MYH7B: variants seen among roughly 807,000 people sequenced by gnomAD.
MYH7B encodes the protein myosin heavy chain 7B.
A neutral mutation model predicts 234.5 loss-of-function variants in MYH7B; 205 were observed. The ratio of observed to expected loss-of-function variants is 0.87; its 90% CI spans 0.78 to 0.98. MYH7B has a LOEUF of 0.98. Ranked by LOEUF, MYH7B falls within the 50% of genes least tolerant of loss-of-function variation. The pLI is 0.00. For synonymous variants in MYH7B, 1,193 were observed against 1,105.0 expected, an observed-to-expected ratio of 1.08 and a Z score of -1.58; for missense variants, 2,652 against 2,633.4, an observed-to-expected ratio of 1.01 and a Z score of -0.15.
In MYH7B at chr20:34,999,600, A is replaced by T. The variant is rs775355117; in HGVS notation, c.4570A>T (p.Ser1524Cys). The change falls in exon 37 of 45, where the codon AGT becomes TGT. Residue 1524 changes from serine (S) to cysteine (C), a missense_variant. Coordinates refer to ENST00000262873, the Ensembl canonical transcript of MYH7B. Reference sequence around the variant, plus strand: ...GATCAGCGACCTCACAGACCAGGTGAGTCTCAGTGGGAAGAGCATCCAGGA... The same window carrying T: ...GATCAGCGACCTCACAGACCAGGTGTGTCTCAGTGGGAAGAGCATCCAGGA... 3 of 1,612,932 alleles carry T rather than the reference A, an allele frequency of 1.9e-6. No individual in the cohort carries two copies. Among genetic ancestry groups the T allele is most frequent in the Non-Finnish European group, 1.7e-6 (2 of 1,179,432 alleles).
At chr20:34,970,054 G>A (rs1470324630) in intron 2 of MYH7B, among the ~76,000 whole-genome samples, 6 of 152,172 alleles carry the variant, frequency 3.9e-5, no homozygotes, top group Non-Finnish European at 5.9e-5. Flanking sequence ...CCTGGTAACT[G>A]GCAGAGCCAG....
Position 35,000,290 on chromosome 20 carries a change from T to C in MYH7B, c.4782-3T>C, listed in dbSNP as rs374046960. On this transcript the variant is annotated splice_polypyrimidine_tract_variant and splice_region_variant and intron_variant, in intron 38 of 44. Coordinates refer to ENST00000262873, the Ensembl canonical transcript of MYH7B. ...CCCCTTTCATGCCACCCTCCTCCCA[T>C]AGGCGCAACCACCAGCGAGCTGTGG... 66 of 1,567,254 alleles carry C rather than the reference T, an allele frequency of 4.2e-5. No homozygotes were observed. The highest frequency in any genetic ancestry group is 1.6e-4 in the African/African-American group (12 of 74,182).
chr20:35,002,114 G>C (rs2082402165), intron 44 of MYH7B, 29 bp downstream of exon 44: 1 of 1,611,406 alleles, frequency 6.2e-7, no homozygotes, highest in South Asian at 1.1e-5. Flanking sequence ...ATTGCTCTCT[G>C]TGCAGGGGGA....
intron 31 of MYH7B, 23 bp downstream of exon 31, chr20:34,997,196 A>G: frequency 6.4e-7 from 1 of 1,551,192 alleles, no homozygotes; most frequent in Non-Finnish European, 8.7e-7. Flanking sequence ...CGGGTGGGTG[A>G]GGCCTGGGGT....
rs765494204 is a variant in MYH7B at position 34,987,295 on chromosome 20, G to A, written c.1147+8G>A. The A allele has an allele frequency of 3.7e-6, 6 of 1,609,318 alleles. No individual in the cohort carries two copies. In the Admixed American group the frequency reaches 6.7e-5, roughly 18 times the overall value. On this transcript the variant is annotated splice_region_variant and intron_variant, in intron 16 of 44. Coordinates refer to ENST00000262873, the Ensembl canonical transcript of MYH7B. ...AGGCCGATGGCACTGAGAGTGAGGG[G>A]CCCTAACCTGGCCTTCAACTTGACC...
At chr20:34,993,580 G>A (rs2082197960) in intron 26 of MYH7B, 110 bp downstream of exon 26, 2 of 1,272,420 alleles carry the variant, frequency 1.6e-6, no homozygotes, top group Non-Finnish European at 1.1e-6. Flanking sequence ...ATCAGCCCCT[G>A]TGGCTGGTTG....
In MYH7B at chr20:34,979,946, T is replaced by C. The variant is rs112361356; in HGVS notation, c.342+142T>C. ...GGCTGTGAATGATAGAGCGGGTCCA[T>C]AGCGGGGGTGGGGCTGTGAGCGATG... On this transcript the variant is annotated intron_variant, in intron 7 of 44. Coordinates refer to ENST00000262873, the Ensembl canonical transcript of MYH7B. 14 of 781,924 alleles carry C rather than the reference T, an allele frequency of 1.8e-5. 1 individual carries two copies. Among genetic ancestry groups the C allele is most frequent in the African/African-American group, 4.2e-5 (2 of 47,324 alleles). The allele number at this position is 781,924 out of a possible 1,614,324, so 48.4% of individuals were successfully genotyped here.
chr20:34,988,066 C>G, intron 18 of MYH7B, 26 bp from the exon 19 acceptor site: 1 of 1,600,864 alleles, frequency 6.2e-7, no homozygotes, highest in South Asian at 1.1e-5. Context: ...GAGAGGTCTG[C>G]TGAGCCAGGC....
chr20:34,989,599 G>T, intron 19 of MYH7B, 141 bp from the exon 20 acceptor site: 1 of 800,588 alleles, frequency 1.2e-6, no homozygotes, highest in Non-Finnish European at 1.9e-6. Flanking sequence ...AGTGGGTGTG[G>T]TGTCTGACCA....
At position 35,001,410 on chromosome 20, in the gene MYH7B, GAGTC is replaced by G. The variant is rs761587519; in HGVS notation, c.5581-20_5581-17del. The G allele has an allele frequency of 3.8e-6, 6 of 1,594,646 alleles. No individual in the cohort carries two copies. Among genetic ancestry groups the G allele is most frequent in the Non-Finnish European group, 5.1e-6 (6 of 1,170,934 alleles). On this transcript the variant is annotated splice_polypyrimidine_tract_variant and intron_variant, in intron 42 of 44. Transcript: ENST00000262873. ...AGCTGGCCCAGCCCAAGCAAGCCCT[GAGTC>G]CCCCTTGCCCGCCCAGGCCGAGGAG...
exon 41 of MYH7B, chr20:35,001,120 C>A: frequency 6.2e-7 from 1 of 1,613,804 alleles, no homozygotes; most frequent in Non-Finnish European, 8.5e-7. Flanking sequence ...GGCCGCCCTC[C>A]GTGGCGGGAA....
chr20:34,999,160 C>T, exon 36 of MYH7B: 7 of 1,613,738 alleles, frequency 4.3e-6, no homozygotes, highest in Non-Finnish European at 5.9e-6. Context: ...CAGACAGAGT[C>T]AGAGGATGTA....
intron 32 of MYH7B, among the ~76,000 whole-genome samples, chr20:34,997,857 C>A (rs1197494327): frequency 6.6e-6 from 1 of 152,106 alleles, no homozygotes; most frequent in Non-Finnish European, 1.5e-5. Flanking sequence ...CATTTCTGAT[C>A]CAGCATCTAC....
chr20:34,980,885 C>A, intron 8 of MYH7B, 148 bp from the exon 9 acceptor site: 1 of 1,474,832 alleles, frequency 6.8e-7, no homozygotes, highest in Non-Finnish European at 9.4e-7. Context: ...CGCATGGGAG[C>A]TGACCTCCAC....
intron 3 of MYH7B, among the ~76,000 whole-genome samples, chr20:34,976,195 CAG>C (rs1232439008): frequency 6.6e-6 from 1 of 152,226 alleles, no homozygotes; most frequent in African/African-American, 2.4e-5. Context: ...TACCCTCCCT[CAG>C]AGGACCACTC....
Position 35,001,322 on chromosome 20 carries a change from G to A in MYH7B, c.5553G>A (p.Glu1851=), listed in dbSNP as rs1305910906. The change falls in exon 42 of 45, where the codon GAG becomes GAA. Residue 1851 remains glutamate, a synonymous_variant. Transcript: ENST00000262873. ...CCCTTAAGGGCGTGCGCAAGCATGA[G>A]CGCCGTGTCAAGGAGCTCGCATACC... 8 of 1,611,842 alleles carry A rather than the reference G, an allele frequency of 5.0e-6. No homozygotes were observed. The Admixed American group carries it at 5.0e-5, about 10-fold the overall frequency.
exon 8 of MYH7B, chr20:34,980,609 A>C (rs751136736): frequency 6.2e-7 from 1 of 1,613,884 alleles, no homozygotes; most frequent in Admixed American, 1.7e-5. Context: ...GTCACCATCA[A>C]CCCCTACAAA....
intron 28 of MYH7B, 106 bp downstream of exon 28, chr20:34,995,684 C>G: frequency 6.7e-7 from 1 of 1,499,620 alleles, no homozygotes. Context: ...TGCTTTCTGG[C>G]CCTGGGCATG....
intron 2 of MYH7B, among the ~76,000 whole-genome samples, chr20:34,968,221 C>A (rs1228191655): frequency 6.6e-6 from 1 of 152,204 alleles, no homozygotes; most frequent in Non-Finnish European, 1.5e-5. Flanking sequence ...AAAAGGCAGT[C>A]CTGACATGTG....
Sources: gnomAD v4.1 joint callset for allele counts (sites outside exome capture counted in the v4.1 genomes callset) on GRCh38, gnomAD v4.1.1 for gene constraint, MANE v1.5 for transcripts, NCBI Gene and HGNC (gene_info 2026-07-23, HGNC 2026-07-21) for gene names.